The following NAF1 variants were observed in gnomAD, a reference collection of about 807,000 sequenced individuals.
The protein encoded by NAF1 is nuclear assembly factor 1 ribonucleoprotein.
NAF1 carries 11 observed loss-of-function variants against 40.6 expected under a neutral mutation model. That is an observed-to-expected ratio of 0.27 (90% confidence interval 0.17 to 0.45). The LOEUF (loss-of-function observed/expected upper bound fraction) is 0.45, where lower values mean the gene tolerates loss of function less well. Ranked by LOEUF, NAF1 falls within the 20% of genes least tolerant of loss-of-function variation. The probability of loss-of-function intolerance (pLI) is 1.00; values close to 1 mark genes in which losing one functional copy is unlikely to be tolerated. For synonymous variants in NAF1, 260 were observed against 228.5 expected (o/e 1.14, Z -1.24); for missense variants, 607 against 611.1 (o/e 0.99, Z 0.07).
chr4:163,153,236 A>G (rs536188586), intron 2 of NAF1, among the ~76,000 whole-genome samples: 4 of 152,316 alleles, frequency 2.6e-5, no homozygotes, highest in East Asian at 1.9e-4. Flanking sequence ...GTACGAGCGC[A>G]TGGCGTGGGA....
At chr4:163,124,094 G>A (rs192842912), downstream of NAF1, among the ~76,000 whole-genome samples, 132 of 152,324 alleles carry the variant, frequency 8.7e-4, no homozygotes, top group African/African-American at 3.2e-3. Context: ...GGTGGCTTGC[G>A]CCTGTAATCT....
chr4:163,118,191 A>G (rs1485819310), intron 2 of NAF1, among the ~76,000 whole-genome samples: 3 of 152,204 alleles, frequency 2.0e-5, no homozygotes, highest in Non-Finnish European at 4.4e-5. Flanking sequence ...ACTATACTCT[A>G]GAAACACAAA....
intron 2 of NAF1, among the ~76,000 whole-genome samples, chr4:163,111,817 TAGG>T (rs1371583483): frequency 2.0e-5 from 3 of 152,186 alleles, no homozygotes; most frequent in Admixed American, 6.5e-5. Context: ...AGCCGTGAAC[TAGG>T]AGGAGAAAAA....
At chr4:163,165,267 G>A (rs928645952) in intron 1 of NAF1, among the ~76,000 whole-genome samples, 1 of 152,104 alleles carries the variant, frequency 6.6e-6, no homozygotes, top group Non-Finnish European at 1.5e-5. Flanking sequence ...GCTGTTAACT[G>A]GCAAAAAGTT....
chr4:163,166,501 G>A lies in NAF1; in HGVS notation c.227C>T (p.Ala76Val). 1 of 1,598,276 alleles carries A rather than the reference G, an allele frequency of 6.3e-7. No homozygotes were observed. Among genetic ancestry groups the A allele is most frequent in the South Asian group, 1.1e-5 (1 of 89,624 alleles). The change falls in exon 1 of 8, where the codon GCC (alanine) becomes GTC (valine). Residue 76 changes from alanine (A) to valine (V), a missense_variant. Around this residue, in one of 3 missense-constraint regions of NAF1, gnomAD observed 407 missense variants for 365.5 expected, o/e 1.11. Coordinates refer to ENST00000274054, the MANE Select transcript of NAF1 (RefSeq NM_138386.3). ...PLQPVLNAVA[A>V]GTPAPQPQPP... ...CTGTGGCTGCGGCGCCGGGGTCCCGGCCGCGACGGCGTTCAGAACGGGCTG... is the reference window on the plus strand; with the variant it reads ...CTGTGGCTGCGGCGCCGGGGTCCCGACCGCGACGGCGTTCAGAACGGGCTG...
chr4:163,166,561 G>A lies in NAF1; in HGVS notation c.167C>T (p.Thr56Ile), dbSNP rs773960583. The change falls in exon 1 of 8, where the codon ACC becomes ATC. Residue 56 changes from threonine (T) to isoleucine (I), a missense_variant. By Grantham distance (89) the Thr-to-Ile change is moderately conservative. This residue lies in a region of NAF1 where 407 missense variants were observed against 365.5 expected (regional missense o/e 1.11). Transcript: ENST00000274054. ...CTCCCCGGCAGGCTTAACCTCCACG[G>A]TCTGCCCAGCGTCCGGGGACCCCTC... ...SFEGSPDAGQ[T>I]VEVKPAGEQP... 1 of 1,603,590 alleles carries A rather than the reference G, an allele frequency of 6.2e-7. No homozygotes were observed. The highest frequency in any genetic ancestry group is 1.1e-5 in the South Asian group (1 of 89,742).
chr4:163,119,202 T>C (rs1246006129), intron 2 of NAF1, among the ~76,000 whole-genome samples: 1 of 152,202 alleles, frequency 6.6e-6, no homozygotes, highest in Non-Finnish European at 1.5e-5. Context: ...TAACTATTTG[T>C]AGAATGTCCT....
intron 2 of NAF1, among the ~76,000 whole-genome samples, chr4:163,162,267 T>G (rs945781453): frequency 2.1e-4 from 32 of 152,304 alleles, no homozygotes; most frequent in African/African-American, 7.0e-4. Flanking sequence ...AGTCATTCTT[T>G]TCCCCCAAAC....
In NAF1 at chr4:163,145,822, T is replaced by C; in HGVS notation, c.677A>G (p.Glu226Gly). The C allele has an allele frequency of 1.3e-6, 2 of 1,589,472 alleles. No homozygotes were observed. The highest frequency in any genetic ancestry group is 2.3e-5 in the South Asian group (2 of 87,678). The change falls in exon 4 of 8, where the codon GAG (glutamate) becomes GGG (glycine). Residue 226 changes from glutamate (E) to glycine (G), a missense_variant. Physicochemically the swap from Glu to Gly is moderately conservative, Grantham distance 98. Transcript: ENST00000274054. ...TCGATCACTTTTAAAAATTACAGTC[T>C]CCTCATTAACTGGAGGTAGGTTAGT... ...SMTNLPPVNE[E>G]TVIFKSDRQA... is the part of the protein sequence containing the mutation.
intron 4 of NAF1, chr4:163,143,905 G>T (rs1731357970): frequency 2.6e-6 from 1 of 387,996 alleles, no homozygotes; most frequent in Non-Finnish European, 3.5e-6. Flanking sequence ...GACGAATAGA[G>T]TATTCTAATC....
downstream of NAF1, among the ~76,000 whole-genome samples, chr4:163,127,323 T>A (rs943266127): frequency 6.6e-6 from 1 of 151,990 alleles, no homozygotes; most frequent in African/African-American, 2.4e-5. Flanking sequence ...AGAGGCAGGG[T>A]TTCGTTATGT....
chr4:163,127,639 A>C (rs1351859165), downstream of NAF1, among the ~76,000 whole-genome samples: 1 of 152,184 alleles, frequency 6.6e-6, no homozygotes, highest in Non-Finnish European at 1.5e-5. Context: ...AGTTGCAAAA[A>C]TATTTTTAAA....
In NAF1 at chr4:163,128,897, C is replaced by T; in HGVS notation, c.1485G>A (p.Ter495=). 7.0e-7 allele frequency: 1 copy of T among 1,427,150 alleles called. No homozygotes were observed. Among genetic ancestry groups the T allele is most frequent in the Non-Finnish European group, 9.2e-7 (1 of 1,082,478 alleles). The allele number at this position is 1,427,150 out of a possible 1,614,324, so 88.4% of individuals were successfully genotyped here. Residue 495 remains the stop codon, a stop_retained_variant, in exon 8 of 8, where the codon TAG becomes TAA. Transcript: ENST00000274054. The stretch of plus-strand genomic sequence containing the variant: ...CATTTCTCTGGAAATGCATAGTCAC[C>T]TAATAGTAAGGTCCAAAATGAGAAT... The part of the protein sequence containing the change: ...DSNSHFGPYY[*]
chr4:163,137,332 ATAAAG>A (rs1308359510), intron 5 of NAF1, 82 bp from the exon 6 acceptor site: 25 of 1,448,258 alleles, frequency 1.7e-5, no homozygotes, highest in African/African-American at 2.9e-5. Context: ...ACAGAAAATA[ATAAAG>A]TAAAGGACAT....
At chr4:163,133,531 T>C (rs548383885) in intron 6 of NAF1, 2 of 321,616 alleles carry the variant, frequency 6.2e-6, no homozygotes, top group East Asian at 6.0e-5. Context: ...CATCATAGTA[T>C]CAGATGCAAA....
chr4:163,112,002 G>A (rs1401308875), intron 2 of NAF1, among the ~76,000 whole-genome samples: 1 of 152,074 alleles, frequency 6.6e-6, no homozygotes, highest in East Asian at 1.9e-4. Context: ...ACTAATGGAG[G>A]GGGAAGCCTG....
rs554539893 is a variant in NAF1, at chr4:163,112,083, A to G, written c.115-1793T>C. Reference sequence around the variant, plus strand: ...CTGAGATTATTAATAATTTTGCAAAAGAAAGCAGAACAGCTCAGTAGCTGG... The same window carrying G: ...CTGAGATTATTAATAATTTTGCAAAGGAAAGCAGAACAGCTCAGTAGCTGG... On this transcript the variant is annotated intron_variant, in intron 2 of 2. Transcript: ENST00000509434. 6.0e-4 allele frequency among the ~76,000 whole-genome samples: 92 copies of G among 152,256 alleles called. 1 individual carries two copies. Among genetic ancestry groups the G allele is most frequent in the African/African-American group, 2.1e-3 (88 of 41,554 alleles).
chr4:163,121,529 T>C (rs1730518264), intron 2 of NAF1, among the ~76,000 whole-genome samples: 1 of 152,182 alleles, frequency 6.6e-6, no homozygotes, highest in Admixed American at 6.5e-5. Flanking sequence ...ATTTTTTATA[T>C]TTTCCAGCTT....
intron 2 of NAF1, among the ~76,000 whole-genome samples, chr4:163,162,281 A>C (rs904185088): frequency 2.0e-5 from 3 of 152,212 alleles, no homozygotes; most frequent in Non-Finnish European, 4.4e-5. Flanking sequence ...CCCAAACTTA[A>C]GATTTGAAAC....
Sources: gnomAD v4.1 joint callset for allele counts (sites outside exome capture counted in the v4.1 genomes callset) on GRCh38, gnomAD v4.1.1 for gene constraint, gnomAD v4.1.1 regional missense constraint, MANE v1.5 for transcripts, NCBI Gene and HGNC (gene_info 2026-07-23, HGNC 2026-07-21) for gene names.